Variants in CNTN4 observed in about 807,000 individuals in gnomAD.
CNTN4 encodes the protein contactin 4.
A neutral mutation model predicts 122.5 loss-of-function variants in CNTN4; 77 were observed. That is an observed-to-expected ratio of 0.63 (90% CI 0.52 to 0.76). The LOEUF (loss-of-function observed/expected upper bound fraction) is 0.76, where lower values mean the gene tolerates loss of function less well. Among genes scored for constraint, CNTN4 ranks in the 30% least tolerant of loss-of-function variants. The pLI, the probability that CNTN4 is intolerant of heterozygous loss-of-function variation, is 0.00. For missense variants in CNTN4, 1,256 were observed against 1,259.1 expected (o/e 1.00, Z 0.04); for synonymous variants, 512 against 447.0 (o/e 1.15, Z -1.83).
At chr3:2,647,380 C>CATAAATAAATAA (rs10591988) in intron 4 of CNTN4, among the ~76,000 whole-genome samples, 1 of 150,560 alleles carries the variant, frequency 6.6e-6, no homozygotes. Context: ...AAACTCATCT[C>CATAAATAAATAA]ATAAATAAAT....
chr3:2,945,695 C>T (rs958430957), intron 13 of CNTN4, among the ~76,000 whole-genome samples: 5 of 152,310 alleles, frequency 3.3e-5, no homozygotes, highest in African/African-American at 7.2e-5. Flanking sequence ...ACCACCTCTT[C>T]GCCTAGTTCC....
intron 2 of CNTN4, among the ~76,000 whole-genome samples, chr3:2,169,000 A>G (rs1018400776): frequency 1.3e-5 from 2 of 152,234 alleles, no homozygotes; most frequent in African/African-American, 4.8e-5. Flanking sequence ...GAGACAAATC[A>G]TTACCAAGTG....
chr3:2,275,825 C>G (rs910669479), intron 2 of CNTN4, among the ~76,000 whole-genome samples: 1 of 148,094 alleles, frequency 6.8e-6, no homozygotes, highest in African/African-American at 2.5e-5. Context: ...GAAGCTGAGT[C>G]AGGAGAATCA....
intron 2 of CNTN4, among the ~76,000 whole-genome samples, chr3:2,194,639 A>G (rs2037750108): frequency 6.6e-6 from 1 of 152,184 alleles, no homozygotes; most frequent in South Asian, 2.1e-4. Context: ...ACATAATGTC[A>G]TACTGGAGTA....
Position 2,620,880 on chromosome 3 carries a change from C to T in CNTN4, c.55+49322C>T, listed in dbSNP as rs181623444. On this transcript the variant is annotated intron_variant, in intron 4 of 24. Coordinates refer to ENST00000418658, the MANE Select transcript of CNTN4 (RefSeq NM_175607.3). ...GTTGGTTAGGTGTGATTTTTCCTTT[C>T]GGATCCTCTTCTGGACATTGAACAA... Among the ~76,000 whole-genome samples the T allele has an allele frequency of 1.2e-4, 18 of 152,134 alleles. No homozygotes were observed. In the East Asian group the frequency reaches 2.5e-3, roughly 21 times the overall value.
chr3:2,345,890 A>T (rs938521828), intron 3 of CNTN4, among the ~76,000 whole-genome samples: 9 of 152,130 alleles, frequency 5.9e-5, no homozygotes, highest in Non-Finnish European at 1.2e-4. Flanking sequence ...TTTATTCCTG[A>T]TGATGCTTGT....
chr3:2,547,875 T>G (rs2078314052), intron 3 of CNTN4, among the ~76,000 whole-genome samples: 1 of 152,124 alleles, frequency 6.6e-6, no homozygotes, highest in South Asian at 2.1e-4. Context: ...AATTATTTCT[T>G]GTTTTCACAG....
intron 3 of CNTN4, among the ~76,000 whole-genome samples, chr3:2,437,567 A>G (rs768888656): frequency 1.3e-5 from 2 of 152,236 alleles, no homozygotes; most frequent in Admixed American, 6.5e-5. Flanking sequence ...AAACCCTAGC[A>G]TAAGTTCTAA....
rs11328897 is a variant in CNTN4 at position 2,514,472 on chromosome 3, T to TA, written c.-88-56931dup. ...GGGTAACTTAGTGAAACTCTGTCTT[T>TA]AAAAAAAAAAAAATGAATATGACTG... On this transcript the variant is annotated intron_variant, in intron 3 of 24. Coordinates refer to ENST00000418658, the MANE Select transcript of CNTN4 (RefSeq NM_175607.3). Among the ~76,000 whole-genome samples, 148 of 146,664 alleles carry TA rather than the reference T, an allele frequency of 1.0e-3. No homozygotes were observed. In the East Asian group the frequency reaches 0.014, roughly 14 times the overall value.
At chr3:2,403,821 A>G (rs1017713596) in intron 3 of CNTN4, among the ~76,000 whole-genome samples, 3 of 152,196 alleles carry the variant, frequency 2.0e-5, no homozygotes, top group Non-Finnish European at 4.4e-5. Flanking sequence ...CTAGTAATTA[A>G]TACAGCCTGA....
At chr3:2,271,994 T>G (rs2041317626) in intron 2 of CNTN4, among the ~76,000 whole-genome samples, 1 of 152,080 alleles carries the variant, frequency 6.6e-6, no homozygotes, top group Admixed American at 6.6e-5. Flanking sequence ...AGATGTTAAG[T>G]AAAAAAACAG....
rs764010494 is a variant in CNTN4 at position 2,736,441 on chromosome 3, A to ATTTAT, written c.182+121_182+125dup. The ATTTAT allele has an allele frequency of 7.2e-4, 480 of 662,664 alleles. 2 individuals carry two copies. The African/African-American group carries it at 7.4e-3, about 10-fold the overall frequency. 41.0% of individuals were successfully genotyped at this position (662,664 alleles called of 1,614,324 possible). ...CTGGTTACATAAAGAGCTTTTATTT[A>ATTTAT]TTTATTTTATTTTATTTTATTTTAT... On this transcript the variant is annotated intron_variant, in intron 5 of 24. Coordinates refer to ENST00000418658, the MANE Select transcript of CNTN4 (RefSeq NM_175607.3).
At chr3:2,551,110 A>T (rs931061217) in intron 3 of CNTN4, among the ~76,000 whole-genome samples, 2 of 152,098 alleles carry the variant, frequency 1.3e-5, no homozygotes, top group Non-Finnish European at 2.9e-5. Flanking sequence ...ATAAAAAAAA[A>T]ATGCCAGGCG....
intron 4 of CNTN4, among the ~76,000 whole-genome samples, chr3:2,621,193 T>A (rs536233562): frequency 1.3e-4 from 20 of 152,290 alleles, no homozygotes; most frequent in African/African-American, 4.6e-4. Context: ...CCTCACCTTC[T>A]CATCGCTGAT....
intron 13 of CNTN4, among the ~76,000 whole-genome samples, chr3:2,984,343 T>C (rs185991419): frequency 6.6e-6 from 1 of 152,190 alleles, no homozygotes; most frequent in Non-Finnish European, 1.5e-5. Context: ...AGACCAGCAG[T>C]TCTCAAATGG....
At chr3:2,737,341 A>T (rs1576617609) in intron 5 of CNTN4, among the ~76,000 whole-genome samples, 2 of 152,074 alleles carry the variant, frequency 1.3e-5, no homozygotes, top group Non-Finnish European at 2.9e-5. Flanking sequence ...TCGGCCTCCC[A>T]AAGTGCTGGG....
chr3:2,684,345 A>G (rs751753595), intron 4 of CNTN4, among the ~76,000 whole-genome samples: 3 of 152,202 alleles, frequency 2.0e-5, no homozygotes, highest in Non-Finnish European at 4.4e-5. Context: ...AATCCTGGAC[A>G]GCTAGGGGAG....
chr3:2,732,792 A>G (rs1421804465), intron 4 of CNTN4, among the ~76,000 whole-genome samples: 1 of 152,138 alleles, frequency 6.6e-6, no homozygotes, highest in Non-Finnish European at 1.5e-5. Context: ...GTTTTTTTTA[A>G]TACCTTGATA....
intron 8 of CNTN4, among the ~76,000 whole-genome samples, chr3:2,879,711 T>C (rs1194434238): frequency 6.6e-6 from 1 of 152,136 alleles, no homozygotes; most frequent in Non-Finnish European, 1.5e-5. Context: ...GGATTCATTG[T>C]GAATGGGCAT....
Sources: gnomAD v4.1 joint callset for allele counts (sites outside exome capture counted in the v4.1 genomes callset) on GRCh38, gnomAD v4.1.1 for gene constraint, MANE v1.5 for transcripts, NCBI Gene and HGNC (gene_info 2026-07-23, HGNC 2026-07-21) for gene names.